The following BACH2 variants were observed in gnomAD, a reference collection of about 807,000 sequenced individuals.
BACH2 encodes the protein transcription regulator protein BACH2.
BACH2 carries 5 observed loss-of-function variants against 61.8 expected under a neutral mutation model. The observed-to-expected ratio is 0.08, with a 90% CI of 0.04 to 0.17. The LOEUF (loss-of-function observed/expected upper bound fraction) is 0.17, where lower values mean the gene tolerates loss of function less well. Ranked by LOEUF, BACH2 falls within the 10% of genes least tolerant of loss-of-function variation. The probability of loss-of-function intolerance (pLI) is 1.00; values close to 1 mark genes in which losing one functional copy is unlikely to be tolerated. For missense variants in BACH2, 824 were observed against 1,091.1 expected (o/e 0.76, Z 3.45); for synonymous variants, 446 against 440.1 (o/e 1.01, Z -0.17).
chr6:90,133,220 A>T (rs1021393424), intron 4 of BACH2, among the ~76,000 whole-genome samples: 1 of 152,210 alleles, frequency 6.6e-6, no homozygotes, highest in African/African-American at 2.4e-5. Flanking sequence ...AGCAATCATA[A>T]TATTAAATAA....
intron 3 of BACH2, among the ~76,000 whole-genome samples, chr6:90,213,757 C>T (rs992095161): frequency 6.6e-6 from 1 of 152,134 alleles, no homozygotes; most frequent in Non-Finnish European, 1.5e-5. Context: ...TATCCCGCTG[C>T]CTTACATACA....
At chr6:90,037,429 C>T (rs78777913) in intron 5 of BACH2, among the ~76,000 whole-genome samples, 6 of 152,200 alleles carry the variant, frequency 3.9e-5, no homozygotes, top group African/African-American at 7.2e-5. Flanking sequence ...GTAAAGGAGC[C>T]AAAAGGCTCT....
intron 5 of BACH2, among the ~76,000 whole-genome samples, chr6:90,010,291 A>G (rs189878090): frequency 7.5e-4 from 115 of 152,320 alleles, no homozygotes; most frequent in African/African-American, 2.6e-3. Flanking sequence ...ACGACTGATC[A>G]GCTTTCTGAC....
At chr6:90,069,478 T>A (rs949998826) in intron 5 of BACH2, among the ~76,000 whole-genome samples, 2 of 152,250 alleles carry the variant, frequency 1.3e-5, no homozygotes, top group African/African-American at 4.8e-5. Context: ...TTAAGTTCCC[T>A]GTGAATGACA....
chr6:89,993,095 A>C (rs1207917386), intron 6 of BACH2, among the ~76,000 whole-genome samples: 1 of 152,194 alleles, frequency 6.6e-6, no homozygotes, highest in East Asian at 1.9e-4. Context: ...GAGGCCTCTA[A>C]CAGAAACCAA....
intron 4 of BACH2, among the ~76,000 whole-genome samples, chr6:90,136,128 T>C (rs1422216906): frequency 6.6e-6 from 1 of 152,216 alleles, no homozygotes; most frequent in African/African-American, 2.4e-5. Context: ...GATCAGTCAG[T>C]CCCACGAGCA....
intron 4 of BACH2, among the ~76,000 whole-genome samples, chr6:90,143,931 A>G (rs1418804467): frequency 1.3e-5 from 2 of 152,136 alleles, no homozygotes; most frequent in African/African-American, 2.4e-5. Context: ...ACATTACTAT[A>G]TATGTTATAG....
intron 4 of BACH2, among the ~76,000 whole-genome samples, chr6:90,107,357 C>T (rs1379244203): frequency 6.6e-6 from 1 of 150,924 alleles, no homozygotes; most frequent in Non-Finnish European, 1.5e-5. Flanking sequence ...GGAGACAGAG[C>T]AAGACTCTGT....
intron 4 of BACH2, among the ~76,000 whole-genome samples, chr6:90,154,148 G>A (rs945832729): frequency 6.6e-5 from 10 of 152,162 alleles, no homozygotes; most frequent in Admixed American, 3.9e-4. Flanking sequence ...TTGGCTGGGA[G>A]TGAGGGAGGA....
intron 6 of BACH2, among the ~76,000 whole-genome samples, chr6:89,996,078 T>C (rs1416768054): frequency 6.6e-6 from 1 of 152,196 alleles, no homozygotes; most frequent in Non-Finnish European, 1.5e-5. Context: ...TTCCAGTCAT[T>C]GCCTATGCTG....
chr6:90,165,379 T>G (rs1767572847), intron 4 of BACH2, among the ~76,000 whole-genome samples: 1 of 152,026 alleles, frequency 6.6e-6, no homozygotes, highest in South Asian at 2.1e-4. Context: ...CTTCAAGAAC[T>G]ACAAACCACT....
chr6:89,982,758 G>C (rs1012058063), intron 6 of BACH2, among the ~76,000 whole-genome samples: 4 of 152,078 alleles, frequency 2.6e-5, no homozygotes, highest in African/African-American at 9.7e-5. Context: ...CTAGGCAACG[G>C]TGTTTTGGAG....
At chr6:90,212,790 T>C (rs1769401894) in intron 3 of BACH2, among the ~76,000 whole-genome samples, 2 of 152,102 alleles carry the variant, frequency 1.3e-5, no homozygotes, top group Non-Finnish European at 2.9e-5. Flanking sequence ...GAGAGACACA[T>C]TGTTGGTAAC....
At chr6:90,080,854 G>T in intron 5 of BACH2, 2 of 835,130 alleles carry the variant, frequency 2.4e-6, no homozygotes, top group Non-Finnish European at 2.9e-6. Flanking sequence ...CTTCATGCGC[G>T]GTACTCGAGC....
intron 8 of BACH2, among the ~76,000 whole-genome samples, chr6:89,937,373 C>A (rs760919795): frequency 2.0e-5 from 3 of 152,284 alleles, no homozygotes; most frequent in Middle Eastern, 3.4e-3. Context: ...CTACCAAGTA[C>A]TGGGAAGTTT....
intron 5 of BACH2, among the ~76,000 whole-genome samples, chr6:90,085,107 C>T (rs1158259753): frequency 6.6e-6 from 1 of 152,134 alleles, no homozygotes; most frequent in Non-Finnish European, 1.5e-5. Context: ...CACAGGACTA[C>T]CGGCCACTCA....
At chr6:89,969,306 C>A (rs1171522700) in intron 6 of BACH2, among the ~76,000 whole-genome samples, 1 of 152,056 alleles carries the variant, frequency 6.6e-6, no homozygotes, top group Non-Finnish European at 1.5e-5. Flanking sequence ...CCGCCCATCT[C>A]GGCCTCCCAA....
At chr6:90,056,317 C>T (rs1475244681) in intron 5 of BACH2, among the ~76,000 whole-genome samples, 3 of 152,102 alleles carry the variant, frequency 2.0e-5, no homozygotes, top group Non-Finnish European at 4.4e-5. Flanking sequence ...GCAGGGGTTG[C>T]AATCCTAGTC....
At chr6:90,026,668 C>T (rs546019128) in intron 5 of BACH2, among the ~76,000 whole-genome samples, 16 of 152,270 alleles carry the variant, frequency 1.1e-4, no homozygotes, top group Middle Eastern at 3.4e-3. Context: ...GCTGTTCATC[C>T]GCCTGATCTC....
Sources: gnomAD v4.1 joint callset for allele counts (sites outside exome capture counted in the v4.1 genomes callset) on GRCh38, gnomAD v4.1.1 for gene constraint, MANE v1.5 for transcripts, NCBI Gene and HGNC (gene_info 2026-07-23, HGNC 2026-07-21) for gene names.